PDSS2: variants seen among roughly 807,000 people sequenced by gnomAD.
The protein encoded by PDSS2 is all trans-polyprenyl-diphosphate synthase PDSS2.
In PDSS2, 31 loss-of-function variants were observed where a neutral mutation model predicts 44.5. That is an observed-to-expected ratio of 0.70 (90% CI 0.52 to 0.94). PDSS2 has a LOEUF of 0.94. PDSS2 is among the 40% of genes least tolerant of loss of function. The pLI, the probability that PDSS2 is intolerant of heterozygous loss-of-function variation, is 0.00. For synonymous variants in PDSS2, 157 were observed against 180.3 expected, an observed-to-expected ratio of 0.87 and a Z score of 1.03; for missense variants, 452 against 482.2, an observed-to-expected ratio of 0.94 and a Z score of 0.59.
chr6:107,362,952 G>C (rs1778826570), intron 1 of PDSS2, among the ~76,000 whole-genome samples: 1 of 152,064 alleles, frequency 6.6e-6, no homozygotes, highest in Non-Finnish European at 1.5e-5. Flanking sequence ...ATAACTTGGA[G>C]ATAGATCAAT....
At chr6:107,175,968 A>G (rs1003101062) in intron 7 of PDSS2, among the ~76,000 whole-genome samples, 1 of 152,176 alleles carries the variant, frequency 6.6e-6, no homozygotes, top group African/African-American at 2.4e-5. Context: ...CACTCACTGC[A>G]GTAGTGGTAT....
chr6:107,159,066 C>T (rs1192703261), intron 7 of PDSS2, among the ~76,000 whole-genome samples: 4 of 151,968 alleles, frequency 2.6e-5, no homozygotes, highest in African/African-American at 9.7e-5. Flanking sequence ...TAATATAAGT[C>T]CCTTGTCGGA....
intron 1 of PDSS2, among the ~76,000 whole-genome samples, chr6:107,388,776 C>A (rs1027923318): frequency 4.6e-5 from 7 of 152,034 alleles, no homozygotes; most frequent in Non-Finnish European, 1.0e-4. Context: ...ATTTTTATGG[C>A]AGCTTTATTC....
At chr6:107,253,523 G>C (rs1040031261) in intron 3 of PDSS2, among the ~76,000 whole-genome samples, 3 of 152,158 alleles carry the variant, frequency 2.0e-5, no homozygotes, top group Admixed American at 2.0e-4. Context: ...AGGTTAATAC[G>C]TAAGTTGCAA....
intron 2 of PDSS2, among the ~76,000 whole-genome samples, chr6:107,278,289 C>A (rs970333485): frequency 3.3e-5 from 5 of 152,094 alleles, no homozygotes; most frequent in Admixed American, 3.3e-4. Flanking sequence ...ATTAAAATCT[C>A]ATTATATCCC....
intron 1 of PDSS2, among the ~76,000 whole-genome samples, chr6:107,380,074 T>C (rs1484275414): frequency 3.3e-5 from 5 of 152,202 alleles, no homozygotes; most frequent in African/African-American, 1.2e-4. Context: ...TTTAACTGTC[T>C]AGGAGTTGGC....
chr6:107,445,373 C>G (rs945529721), intron 1 of PDSS2, among the ~76,000 whole-genome samples: 3 of 152,052 alleles, frequency 2.0e-5, no homozygotes, highest in Non-Finnish European at 4.4e-5. Flanking sequence ...GTCCACTATC[C>G]CTCATCCAAA....
intron 1 of PDSS2, among the ~76,000 whole-genome samples, chr6:107,429,119 C>T (rs891234009): frequency 6.6e-6 from 1 of 152,106 alleles, no homozygotes; most frequent in African/African-American, 2.4e-5. Flanking sequence ...GAACATTTAA[C>T]CTAGAGAAAT....
intron 3 of PDSS2, among the ~76,000 whole-genome samples, chr6:107,254,707 T>G (rs1159894638): frequency 6.6e-6 from 1 of 152,162 alleles, no homozygotes; most frequent in Non-Finnish European, 1.5e-5. Flanking sequence ...TTTTATTCAA[T>G]GTGGCTGATG....
At chr6:107,408,970 T>C (rs986160835) in intron 1 of PDSS2, among the ~76,000 whole-genome samples, 2 of 152,170 alleles carry the variant, frequency 1.3e-5, no homozygotes, top group African/African-American at 4.8e-5. Flanking sequence ...GCAGGTGGCA[T>C]TCAAGTCACG....
At position 107,408,372 on chromosome 6, in the gene PDSS2, T is replaced by A. The variant is rs950886347; in HGVS notation, c.296+50618A>T. Reference sequence around the variant, plus strand: ...CTCCTATACTTATTTCTACAAGACATCCATTGCTATTCAAAAAAATCTAAT... The same window carrying A: ...CTCCTATACTTATTTCTACAAGACAACCATTGCTATTCAAAAAAATCTAAT... On this transcript the variant is annotated intron_variant, in intron 1 of 7. Transcript: ENST00000369037. Among the ~76,000 whole-genome samples, 10 of 152,176 alleles carry A rather than the reference T, an allele frequency of 6.6e-5. No homozygotes were observed. In the East Asian group the frequency reaches 1.9e-3, roughly 29 times the overall value.
rs117173797 is a variant in PDSS2 at position 107,313,888 on chromosome 6, T to C, written c.431+20310A>G. Among the ~76,000 whole-genome samples, 793 of 152,240 alleles carry C rather than the reference T, an allele frequency of 5.2e-3. 6 individuals are homozygous for C. The highest frequency in any genetic ancestry group is 8.7e-3 in the Non-Finnish European group (593 of 68,020). On this transcript the variant is annotated intron_variant, in intron 2 of 7. Transcript: ENST00000369037. Reference sequence around the variant, plus strand: ...CCATGAGGTCAGGTGTGGTGGCTCATGTTTGCAATTCTAGCACTTTGGGAG... The same window carrying C: ...CCATGAGGTCAGGTGTGGTGGCTCACGTTTGCAATTCTAGCACTTTGGGAG...
intron 7 of PDSS2, among the ~76,000 whole-genome samples, chr6:107,165,295 T>C (rs1554247320): frequency 1.3e-5 from 2 of 152,244 alleles, no homozygotes; most frequent in African/African-American, 4.8e-5. Context: ...TTTATGGTTT[T>C]AGGTCTAACA....
intron 1 of PDSS2, among the ~76,000 whole-genome samples, chr6:107,383,638 T>G (rs1338095967): frequency 4.0e-5 from 6 of 151,806 alleles, no homozygotes; most frequent in Non-Finnish European, 8.8e-5. Flanking sequence ...ATAACCCAGT[T>G]AAAAAATGGG....
intron 1 of PDSS2, among the ~76,000 whole-genome samples, chr6:107,366,309 A>T (rs556630923): frequency 1.3e-5 from 2 of 152,280 alleles, no homozygotes; most frequent in African/African-American, 2.4e-5. Context: ...CATTTAAAAA[A>T]TTTTAAAAAT....
chr6:107,417,188 C>T (rs1158508209), intron 1 of PDSS2, among the ~76,000 whole-genome samples: 1 of 152,032 alleles, frequency 6.6e-6, no homozygotes, highest in Non-Finnish European at 1.5e-5. Flanking sequence ...CATATGTAAA[C>T]AAGACATACA....
At chr6:107,203,440 A>T (rs985866682) in intron 6 of PDSS2, among the ~76,000 whole-genome samples, 1 of 152,064 alleles carries the variant, frequency 6.6e-6, no homozygotes, top group Non-Finnish European at 1.5e-5. Flanking sequence ...TCTTGTGCTT[A>T]TCAATGGGTT....
At chr6:107,313,707 T>C (rs555898331) in intron 2 of PDSS2, among the ~76,000 whole-genome samples, 2 of 152,304 alleles carry the variant, frequency 1.3e-5, no homozygotes, top group African/African-American at 4.8e-5. Context: ...TAATTTACAT[T>C]TCTTCCAGCC....
At chr6:107,446,451 T>C (rs1303768044) in intron 1 of PDSS2, among the ~76,000 whole-genome samples, 1 of 152,230 alleles carries the variant, frequency 6.6e-6, no homozygotes, top group Non-Finnish European at 1.5e-5. Flanking sequence ...TTGATATTGA[T>C]AGATTGTTAA....
Sources: gnomAD v4.1 joint callset for allele counts (sites outside exome capture counted in the v4.1 genomes callset) on GRCh38, gnomAD v4.1.1 for gene constraint, MANE v1.5 for transcripts, NCBI Gene and HGNC (gene_info 2026-07-23, HGNC 2026-07-21) for gene names.